The following PPARGC1A variants were observed in gnomAD, a reference collection of about 807,000 sequenced individuals.
PPARGC1A encodes peroxisome proliferator-activated receptor gamma coactivator 1-alpha.
Under a neutral mutation model 88.7 loss-of-function variants are expected in PPARGC1A, and 25 were observed. That is an observed-to-expected ratio of 0.28 (90% CI 0.21 to 0.39). The LOEUF (loss-of-function observed/expected upper bound fraction) is 0.39, where lower values mean the gene tolerates loss of function less well. Among genes scored for constraint, PPARGC1A ranks in the 10% least tolerant of loss-of-function variants. The pLI, the probability that PPARGC1A is intolerant of heterozygous loss-of-function variation, is 1.00. For synonymous variants in PPARGC1A, 363 were observed against 355.6 expected (o/e 1.02, Z -0.24); for missense variants, 880 against 968.7 (o/e 0.91, Z 1.22).
At chr4:24,458,198 A>T in the PPARGC1A span, among the ~76,000 whole-genome samples, 356 of 152,326 alleles carry the variant, frequency 2.3e-3, 2 homozygotes, top group African/African-American at 8.2e-3. Flanking sequence ...GGGGTTTTCA[A>T]ATGCACAAAG....
chr4:24,151,816 C>T, the PPARGC1A span, among the ~76,000 whole-genome samples: 1 of 152,148 alleles, frequency 6.6e-6, no homozygotes, highest in African/African-American at 2.4e-5. Flanking sequence ...TATGGCATCC[C>T]AAATAGGTCT....
chr4:24,435,492 C>T, the PPARGC1A span, among the ~76,000 whole-genome samples: 1 of 152,282 alleles, frequency 6.6e-6, no homozygotes, highest in South Asian at 2.1e-4. Flanking sequence ...TCATGGCTCC[C>T]TGGAGGAAGC....
the PPARGC1A span, among the ~76,000 whole-genome samples, chr4:24,229,308 C>G: frequency 1.7e-3 from 254 of 150,972 alleles, 1 homozygote; most frequent in African/African-American, 6.0e-3. Flanking sequence ...CACGCGCCAC[C>G]ACGCTAATTT....
chr4:23,945,746 A>G, the PPARGC1A span, among the ~76,000 whole-genome samples: 1 of 152,308 alleles, frequency 6.6e-6, no homozygotes, highest in Admixed American at 6.5e-5. Flanking sequence ...TCTTTTCATT[A>G]TCCCCAAGTT....
chr4:23,831,305 TAAGATAG>T, intron 3 of PPARGC1A, among the ~76,000 whole-genome samples: 2 of 152,206 alleles, frequency 1.3e-5, no homozygotes, highest in Admixed American at 1.3e-4. Context: ...TAAATAACAC[TAAGATAG>T]AAAAATACAC....
the PPARGC1A span, among the ~76,000 whole-genome samples, chr4:24,178,018 C>G: frequency 6.6e-6 from 1 of 152,234 alleles, no homozygotes; most frequent in African/African-American, 2.4e-5. Flanking sequence ...CTCCCGCCAA[C>G]AGCATGCTTA....
chr4:24,145,112 T>C, the PPARGC1A span, among the ~76,000 whole-genome samples: 1 of 150,660 alleles, frequency 6.6e-6, no homozygotes, highest in Non-Finnish European at 1.5e-5. Context: ...TGTGTGTGTG[T>C]ACATACATAT....
chr4:24,194,620 GCA>G, the PPARGC1A span, among the ~76,000 whole-genome samples: 19,540 of 52,322 alleles, frequency 0.37, 2,437 homozygotes, highest in African/African-American at 0.53. Context: ...ACACGCGCGC[GCA>G]CGCGCGCGCA....
At chr4:24,046,591 G>A in the PPARGC1A span, among the ~76,000 whole-genome samples, 5 of 152,252 alleles carry the variant, frequency 3.3e-5, 1 homozygote, top group East Asian at 9.7e-4. Context: ...TTTGTGCTCA[G>A]GATAAAATCT....
the PPARGC1A span, among the ~76,000 whole-genome samples, chr4:24,256,540 G>T: frequency 1.1e-4 from 17 of 152,106 alleles, no homozygotes; most frequent in African/African-American, 4.1e-4. Context: ...CAGCAACTCC[G>T]AAGTAGGTGA....
At chr4:24,206,052 G>A in the PPARGC1A span, among the ~76,000 whole-genome samples, 17 of 152,262 alleles carry the variant, frequency 1.1e-4, no homozygotes, top group African/African-American at 4.1e-4. Context: ...GGGCAAAAAT[G>A]TCTCCCTGCC....
chr4:23,801,630 T>A (rs1236702872), intron 12 of PPARGC1A, 100 bp downstream of exon 12: 20 of 1,289,554 alleles, frequency 1.6e-5, no homozygotes, highest in South Asian at 2.7e-5. Context: ...TTTAGTAAAA[T>A]AAAGTGATGG....
chr4:23,970,756 C>A, the PPARGC1A span, among the ~76,000 whole-genome samples: 2 of 152,124 alleles, frequency 1.3e-5, no homozygotes, highest in African/African-American at 4.8e-5. Flanking sequence ...CTTCCTACCT[C>A]AATGGAAACA....
At chr4:24,043,574 A>G in the PPARGC1A span, among the ~76,000 whole-genome samples, 4 of 151,998 alleles carry the variant, frequency 2.6e-5, no homozygotes, top group African/African-American at 9.7e-5. Context: ...GGCAGTTTAA[A>G]TGTTACCTCA....
At chr4:24,191,856 C>T in the PPARGC1A span, among the ~76,000 whole-genome samples, 22 of 152,114 alleles carry the variant, frequency 1.4e-4, no homozygotes, top group Admixed American at 5.9e-4. Context: ...TTGAGTGCCT[C>T]ATTTGAACAT....
the PPARGC1A span, among the ~76,000 whole-genome samples, chr4:24,365,223 C>T: frequency 6.6e-6 from 1 of 151,532 alleles, no homozygotes; most frequent in Non-Finnish European, 1.5e-5. Flanking sequence ...ACTATAAAGC[C>T]TATCATGAAA....
chr4:23,818,456 T>C (rs1373831045), intron 7 of PPARGC1A, among the ~76,000 whole-genome samples: 1 of 152,158 alleles, frequency 6.6e-6, no homozygotes, highest in Non-Finnish European at 1.5e-5. Context: ...ACCCAGAATG[T>C]AATGGGTGTC....
the PPARGC1A span, among the ~76,000 whole-genome samples, chr4:24,201,468 C>T: frequency 1.3e-5 from 2 of 152,196 alleles, no homozygotes; most frequent in African/African-American, 2.4e-5. Context: ...TTGATTATTG[C>T]GGCTACTCCC....
Position 23,813,780 on chromosome 4 carries a change from C to A in PPARGC1A, c.1703G>T (p.Arg568Leu), listed in dbSNP as rs767722215. The A allele has an allele frequency of 1.9e-6, 3 of 1,613,354 alleles. No individual in the cohort carries two copies. The highest frequency in any genetic ancestry group is 3.3e-5 in the Admixed American group (2 of 59,998). The change falls in exon 8 of 13, where the codon CGT (arginine) becomes CTT (leucine). Residue 568 changes from arginine (R) to leucine (L), a missense_variant. Physicochemically the swap from Arg to Leu is moderately radical, Grantham distance 102. Transcript: ENST00000264867. ...FSQRPQRMRS[R>L]SRSFSRHRSC... Reference sequence around the variant, plus strand: ...CCTGTGTCGAGAAAAGGACCTTGAACGAGAGCGCATCCTTTGGGGTCTTTG... The same window carrying A: ...CCTGTGTCGAGAAAAGGACCTTGAAAGAGAGCGCATCCTTTGGGGTCTTTG...
Sources: gnomAD v4.1 joint callset for allele counts (sites outside exome capture counted in the v4.1 genomes callset) on GRCh38, gnomAD v4.1.1 for gene constraint, MANE v1.5 for transcripts, NCBI Gene and HGNC (gene_info 2026-07-23, HGNC 2026-07-21) for gene names.